The following ZNF462 variants were observed in gnomAD, a reference collection of about 807,000 sequenced individuals.
The protein encoded by ZNF462 is zinc finger PBX1-interacting protein.
A neutral mutation model predicts 201.9 loss-of-function variants in ZNF462; 10 were observed. The ratio of observed to expected loss-of-function variants is 0.05; its 90% CI spans 0.03 to 0.08. The LOEUF (loss-of-function observed/expected upper bound fraction) is 0.08. ZNF462 is among the 10% of genes least tolerant of loss of function. ZNF462 has a pLI of 1.00. For synonymous variants in ZNF462, 1,227 were observed against 1,193.3 expected (o/e 1.03, Z -0.58); for missense variants, 2,523 against 3,168.3 (o/e 0.80, Z 4.89).
At chr9:107,000,116 G>T (rs1026934556) in intron 10 of ZNF462, among the ~76,000 whole-genome samples, 3 of 152,012 alleles carry the variant, frequency 2.0e-5, no homozygotes, top group Non-Finnish European at 4.4e-5. Context: ...CATGAAGCCG[G>T]CAGGCATGAG....
chr9:106,928,359 C>G lies in ZNF462; in HGVS notation c.4447C>G (p.His1483Asp). Reference protein sequence around the residue: ...TVCQSEYNNLHGLLTHYGKKH... With the variant: ...TVCQSEYNNLDGLLTHYGKKH... ...ATGCCAATCTGAGTATAACAACTTG[C>G]ACGGCCTTCTCACTCATTATGGGAA... is the stretch of plus-strand genomic sequence containing the variant. The change falls in exon 3 of 13, where the codon CAC (histidine) becomes GAC (aspartate). Residue 1483 changes from histidine (H) to aspartate (D), a missense_variant. Physicochemically the swap from His to Asp is moderately conservative, Grantham distance 81. Around this residue, in one of 15 missense-constraint regions of ZNF462, gnomAD observed 200 missense variants for 281.3 expected, o/e 0.71. Transcript: ENST00000277225. This position sits in a 1 kb window ranked among gnomAD's most constrained non-coding sequence, Gnocchi z 9.3. The G allele has an allele frequency of 6.2e-7, 1 of 1,614,180 alleles. No homozygotes were observed. Among genetic ancestry groups the G allele is most frequent in the Non-Finnish European group, 8.5e-7 (1 of 1,180,034 alleles).
chr9:106,890,769 T>TC lies in ZNF462; in HGVS notation c.-31+27415dup, dbSNP rs1828541247. 2.6e-5 allele frequency among the ~76,000 whole-genome samples: 4 copies of TC among 152,148 alleles called. No individual in the cohort carries two copies. Among genetic ancestry groups the TC allele is most frequent in the Admixed American group, 2.0e-4 (3 of 15,272 alleles). The stretch of plus-strand genomic sequence containing the variant: ...TGCTGTGACATGAAACAATATTGCA[T>TC]CGTAGGGAGTGCATAGTAGACTATG... On this transcript the variant is annotated intron_variant, in intron 1 of 12. Coordinates refer to ENST00000277225, the MANE Select transcript of ZNF462 (RefSeq NM_021224.6). This position sits in a 1 kb window ranked among gnomAD's most constrained non-coding sequence, Gnocchi z 4.2.
Position 106,924,924 on chromosome 9 carries a change from T to C in ZNF462, c.1012T>C (p.Phe338Leu), listed in dbSNP as rs749102258. ...GAGACCCAATTCTTCAGCTTCCAAG[T>C]TTTCGCCCATGTCTTACCCTCAGAT... ...IMRPNSSASK[F>L]SPMSYPQMKP... Residue 338 changes from phenylalanine to leucine, a missense_variant, in exon 3 of 13, where the codon TTT (phenylalanine) becomes CTT (leucine). Phe to Leu is a conservative substitution (Grantham distance 22). Coordinates refer to ENST00000277225, the MANE Select transcript of ZNF462 (RefSeq NM_021224.6). The surrounding 1 kb of genome is among the most constrained non-coding windows in gnomAD (Gnocchi z 6.2). 3.1e-6 allele frequency: 5 copies of C among 1,614,034 alleles called. No homozygotes were observed. The highest frequency in any genetic ancestry group is 4.2e-6 in the Non-Finnish European group (5 of 1,180,046).
Position 106,987,356 on chromosome 9 carries a change from A to G in ZNF462, c.7056+2947A>G, listed in dbSNP as rs967716184. ...TTTTTAAATTTTTTTTATTATGTCC[A>G]TTTTTGCAGAAGTAAGGTGGTATTG... On this transcript the variant is annotated intron_variant, in intron 10 of 12. Coordinates refer to ENST00000277225, the MANE Select transcript of ZNF462 (RefSeq NM_021224.6). 1.2e-4 allele frequency among the ~76,000 whole-genome samples: 18 copies of G among 151,990 alleles called. 1 individual carries two copies. The highest frequency in any genetic ancestry group is 7.7e-4 in the East Asian group (4 of 5,194).
In ZNF462 at chr9:106,921,413, C is replaced by T. The variant is rs146387550; in HGVS notation, c.-30-1941C>T. On this transcript the variant is annotated intron_variant, in intron 1 of 12. Coordinates refer to ENST00000277225, the MANE Select transcript of ZNF462 (RefSeq NM_021224.6). ...CATAGGAGGAGCCCAGCCTGCTCTT[C>T]TAGCATTCATTTCTGATTGTTAGCC... 2.0e-5 allele frequency among the ~76,000 whole-genome samples: 3 copies of T among 152,330 alleles called. No individual in the cohort carries two copies. In the East Asian group the frequency reaches 5.8e-4, roughly 29 times the overall value.
chr9:107,011,141 C>T lies in ZNF462; in HGVS notation c.*111C>T, dbSNP rs184630642. On this transcript the variant is annotated 3_prime_UTR_variant, in exon 13 of 13. Transcript: ENST00000277225. This position sits in a 1 kb window ranked among gnomAD's most constrained non-coding sequence, Gnocchi z 5.6. ...GAAAAGAGAAGACAGAACAAAGCTG[C>T]TTTTTAGGACTGAACAATCTATTTT... 2.1e-6 allele frequency: 2 copies of T among 974,070 alleles called. No individual in the cohort carries two copies. Among genetic ancestry groups the T allele is most frequent in the Admixed American group, 2.4e-5 (1 of 42,498 alleles). The allele number at this position is 974,070 out of a possible 1,614,324, so 60.3% of individuals were successfully genotyped here.
At chr9:106,897,541 G>A (rs2131133595) in intron 1 of ZNF462, among the ~76,000 whole-genome samples, 1 of 151,792 alleles carries the variant, frequency 6.6e-6, no homozygotes, top group Non-Finnish European at 1.5e-5. Flanking sequence ...CTTTTCAGTT[G>A]TGATGCTTCT....
rs1388132749 is a variant in ZNF462, at chr9:106,880,624, A to C, written c.-31+17269A>C. Among the ~76,000 whole-genome samples the C allele has an allele frequency of 6.6e-6, 1 of 152,176 alleles. No individual in the cohort carries two copies. The highest frequency in any genetic ancestry group is 1.5e-5 in the Non-Finnish European group (1 of 68,038). ...TTTGTGGAGCTGCTAGAATAGAAAG[A>C]GTGGTTGTTGGGATATATTTTTATT... On this transcript the variant is annotated intron_variant, in intron 1 of 12. Transcript: ENST00000277225. This position sits in a 1 kb window ranked among gnomAD's most constrained non-coding sequence, Gnocchi z 4.1.
At chr9:106,973,295 G>A (rs1446272233) in intron 8 of ZNF462, among the ~76,000 whole-genome samples, 1 of 151,782 alleles carries the variant, frequency 6.6e-6, no homozygotes, top group African/African-American at 2.4e-5. Context: ...TGGAAATTAG[G>A]CTTCATGTCC....
At chr9:107,004,123 T>A (rs867542065) in intron 11 of ZNF462, among the ~76,000 whole-genome samples, 1 of 152,230 alleles carries the variant, frequency 6.6e-6, no homozygotes, top group Non-Finnish European at 1.5e-5. Flanking sequence ...CAGAGTTGGT[T>A]TTCTATATTG....
chr9:106,930,126 T>C lies in ZNF462; in HGVS notation c.5847+367T>C, dbSNP rs961922125. On this transcript the variant is annotated intron_variant, in intron 3 of 12. Coordinates refer to ENST00000277225, the MANE Select transcript of ZNF462 (RefSeq NM_021224.6). The surrounding 1 kb of genome is among the most constrained non-coding windows in gnomAD (Gnocchi z 5.8). Reference sequence around the variant, plus strand: ...TGGTACCATTAGCACTTCTCAGCCATGTCTTGGTCTTCAGTGTTTGCTACA... The same window carrying C: ...TGGTACCATTAGCACTTCTCAGCCACGTCTTGGTCTTCAGTGTTTGCTACA... Among the ~76,000 whole-genome samples the C allele has an allele frequency of 6.6e-6, 1 of 152,202 alleles. No individual in the cohort carries two copies. Among genetic ancestry groups the C allele is most frequent in the Admixed American group, 6.5e-5 (1 of 15,286 alleles).
chr9:106,924,236 T>C lies in ZNF462; in HGVS notation c.324T>C (p.Phe108=), dbSNP rs1830097780. Residue 108 remains phenylalanine (F), a synonymous_variant, in exon 3 of 13, where the codon TTT becomes TTC. Transcript: ENST00000277225. The surrounding 1 kb of genome is among the most constrained non-coding windows in gnomAD (Gnocchi z 6.2). ...AANPKPTNKF[F]QCKFCVRYFR... is the part of the protein sequence containing the mutation. Reference sequence around the variant, plus strand: ...ATCCCAAACCAACAAACAAGTTTTTTCAATGCAAGTTCTGTGTACGCTACT... The same window carrying C: ...ATCCCAAACCAACAAACAAGTTTTTCCAATGCAAGTTCTGTGTACGCTACT... 1.2e-6 allele frequency: 2 copies of C among 1,614,032 alleles called. No individual in the cohort carries two copies. Among genetic ancestry groups the C allele is most frequent in the South Asian group, 1.1e-5 (1 of 91,084 alleles).
chr9:106,899,116 G>A (rs1248523667), intron 1 of ZNF462, among the ~76,000 whole-genome samples: 1 of 151,744 alleles, frequency 6.6e-6, no homozygotes, highest in Non-Finnish European at 1.5e-5. Context: ...ATAAATCATA[G>A]AGTCGGGATT....
In ZNF462 at chr9:106,926,929, A is replaced by G. The variant is rs1293834772; in HGVS notation, c.3017A>G (p.Lys1006Arg). 1 of 1,614,166 alleles carries G rather than the reference A, an allele frequency of 6.2e-7. No homozygotes were observed. The highest frequency in any genetic ancestry group is 1.7e-5 in the Admixed American group (1 of 60,028). Residue 1006 changes from lysine to arginine, a missense_variant, in exon 3 of 13, where the codon AAA becomes AGA. Physicochemically the swap from Lys to Arg is conservative, Grantham distance 26 (BLOSUM62 2). Around this residue, in one of 15 missense-constraint regions of ZNF462, gnomAD observed 280 missense variants for 321.3 expected, o/e 0.87. Transcript: ENST00000277225. This position sits in a 1 kb window ranked among gnomAD's most constrained non-coding sequence, Gnocchi z 7.9. ...RGGGLPATFN[K>R]NTPKTFTPEC... ...GGTGGTTTGCCAGCTACGTTCAACAAAAACACTCCTAAGACCTTTACTCCT... is the reference window on the plus strand; with the variant it reads ...GGTGGTTTGCCAGCTACGTTCAACAGAAACACTCCTAAGACCTTTACTCCT...
Position 106,932,240 on chromosome 9 carries a change from G to A in ZNF462, c.6013-206G>A, listed in dbSNP as rs1830453075. Reference sequence around the variant, plus strand: ...GATATTTATTTTGTTGGTGGGGCATGTGTGTGTGTGTGGTTCTCTTAGCAG... The same window carrying A: ...GATATTTATTTTGTTGGTGGGGCATATGTGTGTGTGTGGTTCTCTTAGCAG... On this transcript the variant is annotated intron_variant, in intron 4 of 12. Transcript: ENST00000277225. This position sits in a 1 kb window ranked among gnomAD's most constrained non-coding sequence, Gnocchi z 6.8. 2.0e-6 allele frequency: 3 copies of A among 1,464,284 alleles called. No homozygotes were observed. Among genetic ancestry groups the A allele is most frequent in the Non-Finnish European group, 2.8e-6 (3 of 1,089,894 alleles). The allele number at this position is 1,464,284 out of a possible 1,614,324, so 90.7% of individuals were successfully genotyped here.
chr9:106,924,606 A>C lies in ZNF462; in HGVS notation c.694A>C (p.Met232Leu). ...TGTGGAGCGCAGCATCTTAGAGTCT[A>C]TGGTCAAGCCTTTGACCAAATCTCG... ...EVVERSILES[M>L]VKPLTKSRGN... Residue 232 changes from methionine to leucine, a missense_variant, in exon 3 of 13, where the codon ATG becomes CTG. This residue lies in a region of ZNF462 where 480 missense variants were observed against 544.4 expected (regional missense o/e 0.88). Coordinates refer to ENST00000277225, the MANE Select transcript of ZNF462 (RefSeq NM_021224.6). This position sits in a 1 kb window ranked among gnomAD's most constrained non-coding sequence, Gnocchi z 6.2. 1 of 1,614,172 alleles carries C rather than the reference A, an allele frequency of 6.2e-7. No individual in the cohort carries two copies. The highest frequency in any genetic ancestry group is 1.3e-5 in the African/African-American group (1 of 75,040).
At chr9:106,897,551 T>A (rs1451477679) in intron 1 of ZNF462, among the ~76,000 whole-genome samples, 1 of 152,212 alleles carries the variant, frequency 6.6e-6, no homozygotes, top group Non-Finnish European at 1.5e-5. Context: ...GTGATGCTTC[T>A]CATCCCCTAA....
intron 1 of ZNF462, among the ~76,000 whole-genome samples, chr9:106,888,936 C>T (rs962600793): frequency 2.0e-5 from 3 of 152,252 alleles, no homozygotes; most frequent in African/African-American, 7.2e-5. Context: ...ACAATTTCTA[C>T]ACAAAACTGG....
In ZNF462 at chr9:106,981,769, A is replaced by G. The variant is rs1212031375; in HGVS notation, c.6833-2417A>G. On this transcript the variant is annotated intron_variant, in intron 9 of 12. Coordinates refer to ENST00000277225, the MANE Select transcript of ZNF462 (RefSeq NM_021224.6). This position sits in a 1 kb window ranked among gnomAD's most constrained non-coding sequence, Gnocchi z 4.0. The stretch of plus-strand genomic sequence containing the variant: ...GAGGCTCATAAAAAAGTTTGAAAGA[A>G]CTGATTATTAATTGTGGAGAAGTGA... 6.6e-6 allele frequency among the ~76,000 whole-genome samples: 1 copy of G among 152,130 alleles called. No individual in the cohort carries two copies. Among genetic ancestry groups the G allele is most frequent in the African/African-American group, 2.4e-5 (1 of 41,422 alleles).
Sources: gnomAD v4.1 joint callset for allele counts (sites outside exome capture counted in the v4.1 genomes callset) on GRCh38, gnomAD v4.1.1 for gene constraint, gnomAD v4.1.1 regional missense constraint, Gnocchi (gnomAD v3.1) non-coding constraint, MANE v1.5 for transcripts, NCBI Gene and HGNC (gene_info 2026-07-23, HGNC 2026-07-21) for gene names.